Variants in NRCAM observed in about 807,000 individuals in gnomAD.
The protein encoded by NRCAM is neuronal cell adhesion molecule.
In NRCAM, 83 loss-of-function variants were observed where a neutral mutation model predicts 156.5. That is an observed-to-expected ratio of 0.53 (90% confidence interval 0.44 to 0.64). The LOEUF (loss-of-function observed/expected upper bound fraction) is 0.64. Ranked by LOEUF, NRCAM falls within the 30% of genes least tolerant of loss-of-function variation. NRCAM has a pLI of 0.00. For missense variants in NRCAM, 1,417 were observed against 1,597.3 expected, an observed-to-expected ratio of 0.89 and a Z score of 1.92; for synonymous variants, 538 against 563.9, an observed-to-expected ratio of 0.95 and a Z score of 0.65.
chr7:108,392,297 C>A (rs1446296257), intron 2 of NRCAM, among the ~76,000 whole-genome samples: 2 of 152,162 alleles, frequency 1.3e-5, no homozygotes, highest in Admixed American at 6.6e-5. Context: ...CTCTAAACTT[C>A]TCTTCTCACT....
intron 22 of NRCAM, 53 bp from the exon 23 acceptor site, chr7:108,182,973 C>T: frequency 2.1e-6 from 3 of 1,414,592 alleles, no homozygotes; most frequent in Admixed American, 1.8e-5. Flanking sequence ...ACTGCACAAT[C>T]TTTTACAGGA....
chr7:108,205,168 T>C (rs57636303), intron 13 of NRCAM, among the ~76,000 whole-genome samples: 2,596 of 152,262 alleles, frequency 0.017, 80 homozygotes, highest in African/African-American at 0.058. Flanking sequence ...ATGAATGAGA[T>C]TGGTGCTGTT....
intron 14 of NRCAM, among the ~76,000 whole-genome samples, chr7:108,197,378 A>G (rs2075714970): frequency 1.3e-5 from 2 of 152,216 alleles, no homozygotes; most frequent in South Asian, 4.1e-4. Flanking sequence ...ATTCCCAGGC[A>G]CCATGAAAAC....
chr7:108,303,752 C>T (rs1243056671), intron 3 of NRCAM, among the ~76,000 whole-genome samples: 1 of 152,136 alleles, frequency 6.6e-6, no homozygotes, highest in African/African-American at 2.4e-5. Flanking sequence ...TTCTCCATGT[C>T]TGCCTGGGGG....
intron 10 of NRCAM, 69 bp downstream of exon 10, chr7:108,225,576 G>T: frequency 1.1e-6 from 1 of 888,346 alleles, no homozygotes; most frequent in South Asian, 1.3e-5. Flanking sequence ...AAATAGTCAT[G>T]GAGGTGAAGT....
chr7:108,232,319 C>A lies in NRCAM; in HGVS notation c.427+7G>T. The stretch of plus-strand genomic sequence containing the variant: ...AGGGTCATGTTGGTTGACAAGTTTC[C>A]ACTTACTGGATGGGCGGACAACAAT... On this transcript the variant is annotated splice_region_variant and intron_variant, in intron 7 of 32. Coordinates refer to ENST00000379028, the MANE Select transcript of NRCAM (RefSeq NM_001037132.4). 6.3e-7 allele frequency: 1 copy of A among 1,588,224 alleles called. No homozygotes were observed. Among genetic ancestry groups the A allele is most frequent in the East Asian group, 2.3e-5 (1 of 43,834 alleles).
chr7:108,419,961 AAC>A (rs1807025742), intron 1 of NRCAM, among the ~76,000 whole-genome samples: 1 of 152,128 alleles, frequency 6.6e-6, no homozygotes, highest in South Asian at 2.1e-4. Context: ...TTTTATGTAC[AAC>A]ACAGTCATCT....
chr7:108,263,997 T>C (rs759439259), intron 3 of NRCAM, among the ~76,000 whole-genome samples: 81 of 152,320 alleles, frequency 5.3e-4, no homozygotes, highest in Non-Finnish European at 1.0e-3. Context: ...TTTGTTTCTT[T>C]TTTTTTGAGA....
At chr7:108,179,379 A>T (rs761288380) in intron 25 of NRCAM, among the ~76,000 whole-genome samples, 4 of 152,188 alleles carry the variant, frequency 2.6e-5, no homozygotes, top group Non-Finnish European at 4.4e-5. Flanking sequence ...CTGCATCATG[A>T]ATCTTTCAAT....
At chr7:108,367,459 T>C (rs1332893421) in intron 2 of NRCAM, among the ~76,000 whole-genome samples, 2 of 152,186 alleles carry the variant, frequency 1.3e-5, no homozygotes, top group African/African-American at 4.8e-5. Flanking sequence ...GTTCCACCTA[T>C]AAAGATCCTA....
intron 3 of NRCAM, among the ~76,000 whole-genome samples, chr7:108,268,637 G>GGGGGGGGGGTA (rs2097209664): frequency 2.1e-5 from 1 of 48,620 alleles, no homozygotes. Flanking sequence ...GGGGGGGGTT[G>GGGGGGGGGGTA]GGGGGGGCGG....
chr7:108,176,595 G>T lies in NRCAM; in HGVS notation c.2986C>A (p.His996Asn). The T allele has an allele frequency of 6.2e-7, 1 of 1,612,814 alleles. No homozygotes were observed. The highest frequency in any genetic ancestry group is 8.5e-7 in the Non-Finnish European group (1 of 1,179,266). ...AAATCTACCAGAGGGCCTAATTCAT[G>T]TGTGCTGTTAACTGTCAATAAGAAA... Reference protein sequence around the residue: ...TLKYQPINSTHELGPLVDLKI... With the variant: ...TLKYQPINSTNELGPLVDLKI... The change falls in exon 27 of 33, where the codon CAT becomes AAT. Residue 996 changes from histidine (H) to asparagine (N), a missense_variant. His to Asn is a moderately conservative substitution (Grantham distance 68, BLOSUM62 1). Transcript: ENST00000379028.
intron 8 of NRCAM, among the ~76,000 whole-genome samples, chr7:108,228,470 G>A (rs986291933): frequency 2.0e-5 from 3 of 152,148 alleles, no homozygotes; most frequent in Non-Finnish European, 2.9e-5. Flanking sequence ...TAGGCGATGG[G>A]ACTTCATGAG....
chr7:108,377,264 C>T (rs979610188), intron 2 of NRCAM, among the ~76,000 whole-genome samples: 6 of 152,168 alleles, frequency 3.9e-5, no homozygotes, highest in African/African-American at 1.4e-4. Flanking sequence ...TACAAACACA[C>T]ACACAAAAAC....
chr7:108,331,407 T>TA (rs556575286), intron 2 of NRCAM, among the ~76,000 whole-genome samples: 4,211 of 146,976 alleles, frequency 0.029, 182 homozygotes, highest in African/African-American at 0.092. Context: ...TCTCTAAACT[T>TA]AAAAAAAAAA....
chr7:108,257,082 GGAAGGAAA>G (rs1269756523), intron 3 of NRCAM, among the ~76,000 whole-genome samples: 2 of 148,152 alleles, frequency 1.3e-5, no homozygotes, highest in Admixed American at 6.8e-5. Flanking sequence ...AAAGAAGGAA[GGAAGGAAA>G]GAAGGAAGGA....
intron 4 of NRCAM, 27 bp from the exon 5 acceptor site, chr7:108,237,796 A>T: frequency 6.3e-7 from 1 of 1,575,236 alleles, no homozygotes; most frequent in South Asian, 1.2e-5. Context: ...ATCAGCAGGT[A>T]AGTGGGCAAA....
intron 1 of NRCAM, among the ~76,000 whole-genome samples, chr7:108,451,676 C>G (rs1850570290): frequency 6.6e-6 from 1 of 152,068 alleles, no homozygotes; most frequent in East Asian, 1.9e-4. Context: ...CTATGGTAAG[C>G]AAAATAAACC....
At chr7:108,345,259 C>T (rs2154279223) in intron 2 of NRCAM, among the ~76,000 whole-genome samples, 1 of 152,244 alleles carries the variant, frequency 6.6e-6, no homozygotes, top group Middle Eastern at 3.4e-3. Context: ...TTACTCAACT[C>T]AGAAAGGTTC....
Sources: allele counts gnomAD v4.1 joint callset (sites outside exome capture counted in the v4.1 genomes callset), GRCh38; gene constraint gnomAD v4.1.1; transcripts MANE v1.5; gene names NCBI Gene and HGNC (gene_info 2026-07-23, HGNC 2026-07-21).